Variants in ADIG observed in about 807,000 individuals in gnomAD.
ADIG encodes the protein adipogenin.
Under a neutral mutation model 10.7 loss-of-function variants are expected in ADIG, and 12 were observed. The observed-to-expected ratio is 1.12, with a 90% CI of 0.72 to 1.82. The LOEUF (loss-of-function observed/expected upper bound fraction) is 1.82. Among genes scored for constraint, ADIG ranks in the 40% most tolerant of loss-of-function variants. ADIG has a pLI of 0.00. For synonymous variants in ADIG, 32 were observed against 35.6 expected, an observed-to-expected ratio of 0.90 and a Z score of 0.36; for missense variants, 72 against 92.5, an observed-to-expected ratio of 0.78 and a Z score of 0.91.
At chr20:38,587,305 G>C (rs142026255) in intron 2 of ADIG, among the ~76,000 whole-genome samples, 5 of 150,988 alleles carry the variant, frequency 3.3e-5, no homozygotes, top group African/African-American at 1.2e-4. Context: ...ACTAGCCCCC[G>C]ACCCTGTCTG....
intron 2 of ADIG, among the ~76,000 whole-genome samples, chr20:38,586,874 T>TA (rs1267592758): frequency 7.7e-6 from 1 of 130,196 alleles, no homozygotes; most frequent in Non-Finnish European, 1.6e-5. Flanking sequence ...CACACACACA[T>TA]ACTCTCATGT....
At chr20:38,585,929 G>A (rs1179966539) in intron 1 of ADIG, 100 bp from the exon 2 acceptor site, 3 of 1,236,060 alleles carry the variant, frequency 2.4e-6, no homozygotes, top group Non-Finnish European at 3.4e-6. Context: ...CCTCAGGCAA[G>A]GCTGCAGGGA....
At chr20:38,585,944 C>A in intron 1 of ADIG, 85 bp from the exon 2 acceptor site, 3 of 1,359,812 alleles carry the variant, frequency 2.2e-6, no homozygotes, top group Non-Finnish European at 3.1e-6. Context: ...CAGGGATACC[C>A]AGGCCTGGCA....
rs2088654032 is a variant in ADIG at position 38,588,220 on chromosome 20, C to T, written c.*134C>T. On this transcript the variant is annotated 3_prime_UTR_variant, in exon 3 of 3. Coordinates refer to ENST00000537425, the MANE Select transcript of ADIG (RefSeq NM_001393816.1). ...CCTCCCTGGAACCCCCAACTCATCT[C>T]CTCTTCAGACCGACATGTGAAAGCC... 2.3e-6 allele frequency: 3 copies of T among 1,304,562 alleles called. No individual in the cohort carries two copies. Among genetic ancestry groups the T allele is most frequent in the Non-Finnish European group, 3.0e-6 (3 of 988,940 alleles). The allele number at this position is 1,304,562 out of a possible 1,614,324, so 80.8% of individuals were successfully genotyped here. A position where few individuals can be genotyped will look rare whatever the true frequency, so the allele number is the denominator to read the frequency against.
intron 2 of ADIG, among the ~76,000 whole-genome samples, chr20:38,587,611 G>A (rs1023700530): frequency 3.0e-4 from 46 of 152,236 alleles, no homozygotes; most frequent in African/African-American, 1.0e-3. Context: ...TATGTAGCTT[G>A]ATCTGTTTTT....
intron 1 of ADIG, among the ~76,000 whole-genome samples, chr20:38,585,172 T>C (rs141554020): frequency 4.6e-5 from 7 of 152,334 alleles, no homozygotes; most frequent in African/African-American, 1.7e-4. Context: ...TTAACCCTCA[T>C]CCTAGAAGAT....
At chr20:38,586,403 ACCCT>A in intron 2 of ADIG, 1 of 463,696 alleles carries the variant, frequency 2.2e-6, no homozygotes, top group Non-Finnish European at 3.9e-6. Context: ...CCTACCCTTT[ACCCT>A]AGGGCCTCAC....
intron 2 of ADIG, among the ~76,000 whole-genome samples, chr20:38,587,656 G>A (rs768339994): frequency 1.3e-5 from 2 of 151,060 alleles, no homozygotes; most frequent in African/African-American, 4.9e-5. Flanking sequence ...ATTTTCGGAC[G>A]CTGCACAAGA....
At chr20:38,586,615 A>G (rs550634013) in intron 2 of ADIG, among the ~76,000 whole-genome samples, 1 of 152,250 alleles carries the variant, frequency 6.6e-6, no homozygotes, top group South Asian at 2.1e-4. Context: ...TCACTGTAGT[A>G]CTTACCGCCT....
chr20:38,582,391 C>CA (rs778786922), intron 1 of ADIG, among the ~76,000 whole-genome samples: 1 of 152,080 alleles, frequency 6.6e-6, no homozygotes, highest in Admixed American at 6.5e-5. Flanking sequence ...GACCCTGTGT[C>CA]AAAAAAAGGC....
chr20:38,582,811 C>CT (rs556583627), intron 1 of ADIG, among the ~76,000 whole-genome samples: 36 of 148,930 alleles, frequency 2.4e-4, no homozygotes, highest in African/African-American at 6.9e-4. Flanking sequence ...AGATATCATC[C>CT]TTTTTTTTTT....
At chr20:38,585,642 TGGA>T in intron 1 of ADIG, 1 of 1,029,154 alleles carries the variant, frequency 9.7e-7, no homozygotes. Flanking sequence ...AGGGCTACAG[TGGA>T]GATCATTGTG....
intron 1 of ADIG, among the ~76,000 whole-genome samples, chr20:38,583,264 A>G (rs768815474): frequency 1.3e-5 from 2 of 152,204 alleles, no homozygotes; most frequent in African/African-American, 2.4e-5. Context: ...TAATATCACA[A>G]TTGGGGAAAC....
rs773848292 is a variant in ADIG, at chr20:38,586,108, G to A, written c.204G>A (p.Gly68=). The A allele has an allele frequency of 6.2e-7, 1 of 1,606,046 alleles. No individual in the cohort carries two copies. Among genetic ancestry groups the A allele is most frequent in the Admixed American group, 1.7e-5 (1 of 58,966 alleles). The change falls in exon 2 of 3, where the codon GGG becomes GGA. Residue 68 remains glycine (G), a synonymous_variant. Coordinates refer to ENST00000537425, the MANE Select transcript of ADIG (RefSeq NM_001393816.1). ...GCCCAGCTGAGTTTTGCTGGAAGGG[G>A]ACACTCCACGGCCAAGAGAAGGAGA... ...SKGPAEFCWK[G]TLHGQEKERP...
chr20:38,585,116 A>G (rs918223728), intron 1 of ADIG, among the ~76,000 whole-genome samples: 2 of 152,248 alleles, frequency 1.3e-5, no homozygotes, highest in Non-Finnish European at 2.9e-5. Flanking sequence ...ACACTGTTGA[A>G]GGCCTGTGCT....
intron 1 of ADIG, among the ~76,000 whole-genome samples, chr20:38,582,930 G>A (rs1433730742): frequency 6.6e-6 from 1 of 152,090 alleles, no homozygotes; most frequent in East Asian, 1.9e-4. Flanking sequence ...CGATTCTCCT[G>A]CCTCAGCCTC....
chr20:38,586,094 T>G lies in ADIG; in HGVS notation c.190T>G (p.Phe64Val), dbSNP rs772717586. The G allele has an allele frequency of 2.4e-5, 38 of 1,609,204 alleles. No homozygotes were observed. Among genetic ancestry groups the G allele is most frequent in the Non-Finnish European group, 3.0e-5 (35 of 1,178,070 alleles). The change falls in exon 2 of 3, where the codon TTT becomes GTT. Residue 64 changes from phenylalanine (F) to valine (V), a missense_variant. Physicochemically the swap from Phe to Val is conservative, Grantham distance 50 (BLOSUM62 -1). Transcript: ENST00000537425. Reference protein sequence around the residue: ...WEPWSKGPAEFCWKGTLHGQE... With the variant: ...WEPWSKGPAEVCWKGTLHGQE... ...GCCCTGGAGCAAAGGCCCAGCTGAG[T>G]TTTGCTGGAAGGGGACACTCCACGG...
chr20:38,585,021 C>T (rs534326666), intron 1 of ADIG, among the ~76,000 whole-genome samples: 3 of 152,336 alleles, frequency 2.0e-5, no homozygotes, highest in African/African-American at 4.8e-5. Flanking sequence ...CATGGTCACC[C>T]GCCTTGGCCT....
intron 1 of ADIG, among the ~76,000 whole-genome samples, chr20:38,585,158 T>C (rs565398120): frequency 1.3e-5 from 2 of 152,382 alleles, no homozygotes; most frequent in South Asian, 4.1e-4. Context: ...ATGTCTGCCT[T>C]CGGTTAACCC....
Sources: allele counts gnomAD v4.1 joint callset (sites outside exome capture counted in the v4.1 genomes callset), GRCh38; gene constraint gnomAD v4.1.1; transcripts MANE v1.5; gene names NCBI Gene and HGNC (gene_info 2026-07-23, HGNC 2026-07-21).